The following MSH3 variants were observed in gnomAD, a reference collection of about 807,000 sequenced individuals.
MSH3 encodes DNA mismatch repair protein Msh3.
Under a neutral mutation model 123.3 loss-of-function variants are expected in MSH3, and 106 were observed. The observed-to-expected ratio is 0.86, with a 90% confidence interval of 0.73 to 1.01. The LOEUF (loss-of-function observed/expected upper bound fraction) is 1.01, where lower values mean the gene tolerates loss of function less well. MSH3 is among the 50% of genes least tolerant of loss of function. The pLI, the probability that MSH3 is intolerant of heterozygous loss-of-function variation, is 0.00. For synonymous variants in MSH3, 515 were observed against 481.4 expected (o/e 1.07, Z -0.91); for missense variants, 1,459 against 1,347.6 (o/e 1.08, Z -1.29).
chr5:80,792,672 G>A (rs1370987524), intron 18 of MSH3, 61 bp from the exon 19 acceptor site: 73 of 1,010,846 alleles, frequency 7.2e-5, no homozygotes, highest in Non-Finnish European at 6.2e-6. Context: ...TGCTATCTTA[G>A]AGTTTTTTTT....
intron 20 of MSH3, among the ~76,000 whole-genome samples, chr5:80,814,155 CAG>C (rs1745059931): frequency 6.6e-6 from 1 of 150,584 alleles, no homozygotes; most frequent in Non-Finnish European, 1.5e-5. Context: ...AAAACAAAAA[CAG>C]AAAAAAAACC....
At chr5:80,777,943 A>G (rs1580044558) in intron 16 of MSH3, among the ~76,000 whole-genome samples, 1 of 152,198 alleles carries the variant, frequency 6.6e-6, no homozygotes, top group Non-Finnish European at 1.5e-5. Context: ...GATCCTGTCA[A>G]CAGTACCTAT....
At chr5:80,752,999 G>A (rs1647882022) in intron 12 of MSH3, among the ~76,000 whole-genome samples, 1 of 152,098 alleles carries the variant, frequency 6.6e-6, no homozygotes, top group South Asian at 2.1e-4. Flanking sequence ...TAACTTCTGG[G>A]AAATGAGAAA....
intron 19 of MSH3, among the ~76,000 whole-genome samples, chr5:80,795,543 C>G (rs999501537): frequency 2.0e-5 from 3 of 152,114 alleles, no homozygotes; most frequent in Admixed American, 2.0e-4. Flanking sequence ...CTCAGGCCCT[C>G]ATGAACTTGT....
chr5:80,768,298 A>C (rs990046403), intron 14 of MSH3, among the ~76,000 whole-genome samples, 178 bp downstream of exon 14: 34 of 152,106 alleles, frequency 2.2e-4, no homozygotes, highest in African/African-American at 8.0e-4. Flanking sequence ...AATACTTGCT[A>C]CCTAAAATTT....
chr5:80,799,532 T>TTTTTTA (rs60135681), intron 19 of MSH3, among the ~76,000 whole-genome samples: 1 of 112,150 alleles, frequency 8.9e-6, no homozygotes, highest in Non-Finnish European at 1.9e-5. Context: ...TTTTTTTTTT[T>TTTTTTA]ACAGAAAATT....
chr5:80,731,808 G>A (rs1457824175), intron 10 of MSH3, among the ~76,000 whole-genome samples: 1 of 152,136 alleles, frequency 6.6e-6, no homozygotes. Context: ...TCTCCTTGTA[G>A]ATGAAAAATT....
intron 23 of MSH3, 82 bp from the exon 24 acceptor site, chr5:80,875,669 A>G: frequency 1.2e-6 from 1 of 815,254 alleles, no homozygotes; most frequent in Non-Finnish European, 2.1e-6. Context: ...CAAGTGTTAT[A>G]GACTTTTCAT....
intron 2 of MSH3, among the ~76,000 whole-genome samples, chr5:80,659,233 CAAAAAA>C (rs34613891): frequency 1.1e-4 from 15 of 135,694 alleles, no homozygotes; most frequent in Admixed American, 8.9e-4. Flanking sequence ...GATTCTGTCT[CAAAAAA>C]AAAAAAAAAG....
At chr5:80,869,445 A>G (rs1746163964) in intron 22 of MSH3, among the ~76,000 whole-genome samples, 1 of 152,020 alleles carries the variant, frequency 6.6e-6, no homozygotes, top group Non-Finnish European at 1.5e-5. Context: ...ATTCTCTCCC[A>G]TGTGGCTTTT....
At chr5:80,733,421 A>T (rs1332755641) in intron 10 of MSH3, among the ~76,000 whole-genome samples, 1 of 152,178 alleles carries the variant, frequency 6.6e-6, no homozygotes, top group Non-Finnish European at 1.5e-5. Context: ...TGAGGCAATG[A>T]TTTCTTAACT....
chr5:80,748,544 G>T (rs1470423321), intron 12 of MSH3, among the ~76,000 whole-genome samples: 1 of 152,042 alleles, frequency 6.6e-6, no homozygotes, highest in African/African-American at 2.4e-5. Flanking sequence ...AGATTCTTCA[G>T]TGTAGTTGTT....
At chr5:80,830,330 T>C (rs1037796602) in intron 20 of MSH3, among the ~76,000 whole-genome samples, 1 of 152,210 alleles carries the variant, frequency 6.6e-6, no homozygotes, top group Non-Finnish European at 1.5e-5. Context: ...TAAGAATCTC[T>C]ACAAGTGACT....
intron 8 of MSH3, among the ~76,000 whole-genome samples, chr5:80,686,045 T>TAACATA (rs1561442101): frequency 6.6e-6 from 1 of 152,182 alleles, no homozygotes; most frequent in Non-Finnish European, 1.5e-5. Context: ...TTGAATGTTT[T>TAACATA]AAGACTTGTT....
chr5:80,763,934 T>G (rs540034280), intron 13 of MSH3, among the ~76,000 whole-genome samples: 1 of 152,388 alleles, frequency 6.6e-6, no homozygotes, highest in South Asian at 2.1e-4. Flanking sequence ...TATAACTCAC[T>G]TGGAAGCCAT....
chr5:80,848,537 C>T (rs1205782389), intron 20 of MSH3, among the ~76,000 whole-genome samples: 6 of 152,190 alleles, frequency 3.9e-5, no homozygotes, highest in Non-Finnish European at 7.3e-5. Flanking sequence ...CTTACAGTTC[C>T]ACATGGCTGG....
At chr5:80,754,446 G>A (rs1250584934) in intron 12 of MSH3, among the ~76,000 whole-genome samples, 1 of 152,010 alleles carries the variant, frequency 6.6e-6, no homozygotes, top group Non-Finnish European at 1.5e-5. Flanking sequence ...CCAGCGTCAG[G>A]GAATTTCTAA....
At chr5:80,716,895 A>G (rs769993484) in intron 8 of MSH3, among the ~76,000 whole-genome samples, 4 of 152,188 alleles carry the variant, frequency 2.6e-5, no homozygotes, top group African/African-American at 4.8e-5. Context: ...AGCTCTGGTA[A>G]CCATTATTCT....
At position 80,667,336 on chromosome 5, in the gene MSH3, A is replaced by G. The variant is rs1285927310; in HGVS notation, c.579+1973A>G. Among the ~76,000 whole-genome samples the G allele has an allele frequency of 2.0e-5, 3 of 152,250 alleles. No individual in the cohort carries two copies. The East Asian group carries it at 5.8e-4, about 29-fold the overall frequency. ...ATTCCATGACATAAAAGTCATGGAA[A>G]CAAAATAGGAAACTCATCAAAATTA... is the stretch of plus-strand genomic sequence containing the variant. On this transcript the variant is annotated intron_variant, in intron 3 of 23. Coordinates refer to ENST00000265081, the MANE Select transcript of MSH3 (RefSeq NM_002439.5).
Sources: allele counts gnomAD v4.1 joint callset (sites outside exome capture counted in the v4.1 genomes callset), GRCh38; gene constraint gnomAD v4.1.1; transcripts MANE v1.5; gene names NCBI Gene and HGNC (gene_info 2026-07-23, HGNC 2026-07-21).